Variants in STARD13 observed in about 807,000 individuals in gnomAD.
STARD13 encodes the protein StAR related lipid transfer domain containing 13.
In STARD13, 62 loss-of-function variants were observed where a neutral mutation model predicts 106.4. The observed-to-expected ratio is 0.58, with a 90% CI of 0.48 to 0.72. The LOEUF is 0.72. STARD13 is among the 30% of genes least tolerant of loss of function. The probability of loss-of-function intolerance (pLI) is 0.00; values close to 1 mark genes in which losing one functional copy is unlikely to be tolerated. For synonymous variants in STARD13, 565 were observed against 553.0 expected (o/e 1.02, Z -0.31); for missense variants, 1,387 against 1,424.0 (o/e 0.97, Z 0.42).
At chr13:33,351,476 C>A (rs1359475544), upstream of STARD13, among the ~76,000 whole-genome samples, 1 of 152,136 alleles carries the variant, frequency 6.6e-6, no homozygotes, top group Non-Finnish European at 1.5e-5. Flanking sequence ...ACTTCCTGGA[C>A]TTCAACTCAT....
chr13:33,358,377 A>G, the STARD13 span, among the ~76,000 whole-genome samples: 1 of 152,224 alleles, frequency 6.6e-6, no homozygotes, highest in Non-Finnish European at 1.5e-5. Flanking sequence ...CGCACGGCAC[A>G]GGACTGGCAG....
At chr13:33,427,475 C>T in the STARD13 span, among the ~76,000 whole-genome samples, 2 of 152,278 alleles carry the variant, frequency 1.3e-5, no homozygotes, top group East Asian at 1.9e-4. Context: ...ATAACCCACA[C>T]TGGTGGCACG....
At chr13:33,153,159 T>G (rs1466505917) in intron 3 of STARD13, among the ~76,000 whole-genome samples, 1 of 152,114 alleles carries the variant, frequency 6.6e-6, no homozygotes, top group Non-Finnish European at 1.5e-5. Context: ...TCTTCCAGGT[T>G]CCAGTTCAAT....
the STARD13 span, among the ~76,000 whole-genome samples, chr13:33,648,783 C>CTTT: frequency 5.3e-3 from 411 of 76,944 alleles, 1 homozygote; most frequent in African/African-American, 0.011. Context: ...TTTTCTCTTT[C>CTTT]TTTTTTTTTT....
the STARD13 span, among the ~76,000 whole-genome samples, chr13:33,430,273 A>C: frequency 6.6e-6 from 1 of 152,232 alleles, no homozygotes; most frequent in Non-Finnish European, 1.5e-5. Flanking sequence ...AGGATAAATT[A>C]TTGAGGGGAT....
chr13:33,664,859 C>G, the STARD13 span, among the ~76,000 whole-genome samples: 1 of 152,224 alleles, frequency 6.6e-6, no homozygotes, highest in African/African-American at 2.4e-5. Context: ...ATCCCCTGAC[C>G]TCATGATCCG....
the STARD13 span, among the ~76,000 whole-genome samples, chr13:33,375,575 G>A: frequency 1.3e-5 from 2 of 152,084 alleles, no homozygotes; most frequent in African/African-American, 4.8e-5. Flanking sequence ...ATGGCAGAAG[G>A]GGAAGTAAAC....
chr13:33,672,988 G>C, the STARD13 span, among the ~76,000 whole-genome samples: 30 of 152,200 alleles, frequency 2.0e-4, no homozygotes, highest in African/African-American at 7.2e-4. Flanking sequence ...CCAATTTAAG[G>C]CAATTTAAGC....
At chr13:33,366,708 A>C in the STARD13 span, among the ~76,000 whole-genome samples, 1 of 152,168 alleles carries the variant, frequency 6.6e-6, no homozygotes, top group Non-Finnish European at 1.5e-5. This position sits in a 1 kb window ranked among gnomAD's most constrained non-coding sequence, Gnocchi z 4.2. Flanking sequence ...TTGTCCGGCT[A>C]TTTTACTTAG....
intron 1 of STARD13, among the ~76,000 whole-genome samples, chr13:33,222,248 A>C (rs1053040628): frequency 2.0e-5 from 3 of 152,180 alleles, no homozygotes. Context: ...ACACTGCATG[A>C]GGTACCTAGA....
At chr13:33,436,150 G>T in the STARD13 span, among the ~76,000 whole-genome samples, 1 of 152,172 alleles carries the variant, frequency 6.6e-6, no homozygotes, top group Non-Finnish European at 1.5e-5. Flanking sequence ...TTTTGAAACT[G>T]TTCTAAGAAG....
chr13:33,439,975 AAAGAT>A, the STARD13 span, among the ~76,000 whole-genome samples: 1 of 152,188 alleles, frequency 6.6e-6, no homozygotes. Flanking sequence ...TGACTTAAGT[AAAGAT>A]TTATACAATA....
the STARD13 span, among the ~76,000 whole-genome samples, chr13:33,484,553 A>C: frequency 2.0e-5 from 3 of 152,106 alleles, no homozygotes; most frequent in African/African-American, 7.2e-5. Context: ...ACACCCAATT[A>C]CATCCCCAAC....
chr13:33,377,903 T>C, the STARD13 span, among the ~76,000 whole-genome samples: 1 of 152,198 alleles, frequency 6.6e-6, no homozygotes, highest in East Asian at 1.9e-4. Context: ...TAATAACCTA[T>C]CTAAAAACCA....
In STARD13 at chr13:33,186,946, C is replaced by T. The variant is rs1885823677; in HGVS notation, c.170-19324G>A. ...GGGTGGGAAGTAGTTCACAGCAACG[C>T]TCTTAAGTGCTTGTGTAGGAGAGTG... On this transcript the variant is annotated intron_variant, in intron 1 of 13. Transcript: ENST00000336934. Among the ~76,000 whole-genome samples the T allele has an allele frequency of 2.0e-5, 3 of 152,202 alleles. No homozygotes were observed. In the South Asian group the frequency reaches 6.2e-4, roughly 32 times the overall value.
chr13:33,499,579 CT>C, the STARD13 span, among the ~76,000 whole-genome samples: 1 of 69,572 alleles, frequency 1.4e-5, no homozygotes, highest in Non-Finnish European at 3.0e-5. Flanking sequence ...TCTTCTTCTT[CT>C]TCTTCTTCTT....
chr13:33,566,686 G>A, the STARD13 span, among the ~76,000 whole-genome samples: 1 of 148,118 alleles, frequency 6.8e-6, no homozygotes, highest in East Asian at 2.0e-4. Context: ...ATCTTTTAGA[G>A]AGAAGTGAGA....
the STARD13 span, among the ~76,000 whole-genome samples, chr13:33,601,734 C>T: frequency 6.6e-6 from 1 of 152,168 alleles, no homozygotes; most frequent in African/African-American, 2.4e-5. Context: ...CCTGCTCCTC[C>T]TCACCATGCC....
chr13:33,556,579 G>C, the STARD13 span, among the ~76,000 whole-genome samples: 3 of 152,118 alleles, frequency 2.0e-5, no homozygotes, highest in Non-Finnish European at 2.9e-5. Flanking sequence ...ACTGCCCACT[G>C]TCTTTTCCTT....
Sources: gnomAD v4.1 joint callset for allele counts (sites outside exome capture counted in the v4.1 genomes callset) on GRCh38, gnomAD v4.1.1 for gene constraint, Gnocchi (gnomAD v3.1) non-coding constraint, MANE v1.5 for transcripts, NCBI Gene and HGNC (gene_info 2026-07-23, HGNC 2026-07-21) for gene names.